TMOD1: variants seen among roughly 807,000 people sequenced by gnomAD.
TMOD1 encodes the protein tropomodulin-1.
In TMOD1, 17 loss-of-function variants were observed where a neutral mutation model predicts 40.6. The observed-to-expected ratio is 0.42, with a 90% confidence interval of 0.29 to 0.63. The LOEUF is 0.63. Ranked by LOEUF, TMOD1 falls within the 20% of genes least tolerant of loss-of-function variation. The probability of loss-of-function intolerance (pLI) is 0.22; values close to 1 mark genes in which losing one functional copy is unlikely to be tolerated. For missense variants in TMOD1, 391 were observed against 447.6 expected, an observed-to-expected ratio of 0.87 and a Z score of 1.14; for synonymous variants, 181 against 175.0, an observed-to-expected ratio of 1.03 and a Z score of -0.27.
intron 3 of TMOD1, among the ~76,000 whole-genome samples, chr9:97,547,890 G>A (rs915659812): frequency 3.3e-5 from 5 of 152,184 alleles, no homozygotes; most frequent in African/African-American, 7.2e-5. Context: ...CAGCCAGTGC[G>A]AGGCCTGCCA....
intron 8 of TMOD1, among the ~76,000 whole-genome samples, chr9:97,574,019 C>T (rs1229970115): frequency 6.6e-6 from 1 of 152,168 alleles, no homozygotes; most frequent in African/African-American, 2.4e-5. Context: ...AGGAGTTGAC[C>T]AGAAAGACCT....
chr9:97,583,980 G>GT (rs1055849635), intron 8 of TMOD1, among the ~76,000 whole-genome samples: 70 of 151,762 alleles, frequency 4.6e-4, no homozygotes, highest in Non-Finnish European at 6.9e-4. Flanking sequence ...TTTTTGAAGG[G>GT]TTTTTTTTGT....
At chr9:97,516,161 C>G (rs1253984570) in intron 1 of TMOD1, 1 of 152,260 alleles carries the variant, frequency 6.6e-6, no homozygotes, top group Non-Finnish European at 1.5e-5. Context: ...CACCCTCGCC[C>G]AGGGGTCTGT....
intron 8 of TMOD1, among the ~76,000 whole-genome samples, chr9:97,577,178 C>T (rs995658250): frequency 4.6e-5 from 7 of 152,206 alleles, no homozygotes; most frequent in African/African-American, 1.7e-4. Flanking sequence ...TGACCAACCC[C>T]TTGGTCTCTC....
intron 3 of TMOD1, among the ~76,000 whole-genome samples, chr9:97,550,366 T>G (rs1830430732): frequency 6.6e-6 from 1 of 152,270 alleles, no homozygotes; most frequent in South Asian, 2.1e-4. Flanking sequence ...TACCTGTTTT[T>G]AATTCTTTGG....
intron 8 of TMOD1, among the ~76,000 whole-genome samples, chr9:97,586,861 G>A (rs938426647): frequency 2.6e-5 from 4 of 152,154 alleles, no homozygotes; most frequent in East Asian, 1.9e-4. Flanking sequence ...GCCCTGCTTC[G>A]GCTCGCGCAC....
intron 2 of TMOD1, among the ~76,000 whole-genome samples, chr9:97,544,831 A>T (rs1007634280): frequency 2.6e-5 from 4 of 152,016 alleles, no homozygotes; most frequent in African/African-American, 9.7e-5. Flanking sequence ...AATATGGTGA[A>T]ACACTGTCTC....
At chr9:97,567,206 G>A (rs1830741731) in intron 7 of TMOD1, among the ~76,000 whole-genome samples, 1 of 152,230 alleles carries the variant, frequency 6.6e-6, no homozygotes, top group Admixed American at 6.5e-5. Context: ...CTTGCCCATA[G>A]GAACACAGCT....
chr9:97,577,745 G>T (rs1236881931), intron 8 of TMOD1, among the ~76,000 whole-genome samples: 2 of 152,040 alleles, frequency 1.3e-5, no homozygotes, highest in East Asian at 3.8e-4. Flanking sequence ...ACTCCAGTCT[G>T]GGCGACAGAA....
intron 8 of TMOD1, among the ~76,000 whole-genome samples, chr9:97,582,130 T>C (rs1341547193): frequency 1.3e-5 from 2 of 152,178 alleles, no homozygotes; most frequent in African/African-American, 4.8e-5. Context: ...TTTATGGTTT[T>C]AGGTCTAACG....
chr9:97,524,225 C>A lies in TMOD1; in HGVS notation c.37C>A (p.Leu13Met), dbSNP rs1250880806. Reference protein sequence around the residue: ...YRRELEKYRDLDEDEILGALT... With the variant: ...YRRELEKYRDMDEDEILGALT... ...ACGAGAACTAGAGAAATACCGTGAC[C>A]TGGATGAAGATGAAATCCTTGGAGC... The change falls in exon 2 of 10, where the codon CTG becomes ATG. Residue 13 changes from leucine to methionine, a missense_variant. Coordinates refer to ENST00000259365, the MANE Select transcript of TMOD1 (RefSeq NM_003275.4). 1.9e-6 allele frequency: 3 copies of A among 1,614,122 alleles called. No homozygotes were observed. The highest frequency in any genetic ancestry group is 3.3e-5 in the Admixed American group (2 of 60,018).
In TMOD1 at chr9:97,600,064, G is replaced by A. The variant is rs956163365; in HGVS notation, c.*366G>A. On this transcript the variant is annotated 3_prime_UTR_variant, in exon 10 of 10. Coordinates refer to ENST00000259365, the MANE Select transcript of TMOD1 (RefSeq NM_003275.4). ...CATTTAAAATGTGTGACACAGAAACGGCACACTCTTCCACATGCTTTTGAA... is the reference window on the plus strand; with the variant it reads ...CATTTAAAATGTGTGACACAGAAACAGCACACTCTTCCACATGCTTTTGAA... The A allele has an allele frequency of 4.8e-6, 5 of 1,050,568 alleles. No individual in the cohort carries two copies. Among genetic ancestry groups the A allele is most frequent in the African/African-American group, 1.6e-5 (1 of 60,904 alleles). 65.1% of individuals were successfully genotyped at this position (1,050,568 alleles called of 1,614,324 possible).
chr9:97,542,018 T>C (rs929034982), intron 2 of TMOD1, among the ~76,000 whole-genome samples: 7 of 152,252 alleles, frequency 4.6e-5, no homozygotes, highest in African/African-American at 1.7e-4. Context: ...TTTTGTTGCT[T>C]ATTGCTTTGA....
At position 97,599,725 on chromosome 9, in the gene TMOD1, G is replaced by A; in HGVS notation, c.*27G>A. On this transcript the variant is annotated 3_prime_UTR_variant, in exon 10 of 10. Coordinates refer to ENST00000259365, the MANE Select transcript of TMOD1 (RefSeq NM_003275.4). ...GTGTGGCGGTGGAGTCCATGCCTTT[G>A]AACTGGATGTGTTCTATTGATGACC... 1 of 1,614,016 alleles carries A rather than the reference G, an allele frequency of 6.2e-7. No individual in the cohort carries two copies.
rs57982813 is a variant in TMOD1, at chr9:97,511,085, GACAC to G, written c.-49+9306_-49+9309del. ...ACCCGCGCGCGCACACACACACACA[GACAC>G]ACACACACACACACACACACACAGG... On this transcript the variant is annotated intron_variant, in intron 1 of 9. Coordinates refer to ENST00000259365, the MANE Select transcript of TMOD1 (RefSeq NM_003275.4). 8.6e-3 allele frequency among the ~76,000 whole-genome samples: 1,244 copies of G among 144,400 alleles called. 39 individuals carry two copies. The East Asian group carries it at 0.11, about 12-fold the overall frequency. 94.7% of individuals were successfully genotyped at this position (144,400 alleles called of 152,430 possible).
At chr9:97,509,262 C>A (rs1829653786) in intron 1 of TMOD1, among the ~76,000 whole-genome samples, 1 of 152,168 alleles carries the variant, frequency 6.6e-6, no homozygotes, top group Non-Finnish European at 1.5e-5. Context: ...ATAAAAGTAT[C>A]TGCTTCACAA....
At position 97,601,165 on chromosome 9, in the gene TMOD1, C is replaced by T; in HGVS notation, c.*1467C>T. On this transcript the variant is annotated 3_prime_UTR_variant, in exon 10 of 10. Transcript: ENST00000259365. The stretch of plus-strand genomic sequence containing the variant: ...GGCACCATGTTGCAGGGACAACCAT[C>T]CCCATTTGGCTTCTCCTTAAAACAC... 1 of 1,301,110 alleles carries T rather than the reference C, an allele frequency of 7.7e-7. No individual in the cohort carries two copies. The highest frequency in any genetic ancestry group is 1.0e-6 in the Non-Finnish European group (1 of 987,758). The allele number at this position is 1,301,110 out of a possible 1,614,324, so 80.6% of individuals were successfully genotyped here. A position where few individuals can be genotyped will look rare whatever the true frequency, so the allele number is the denominator to read the frequency against.
chr9:97,582,303 T>G (rs1276377382), intron 8 of TMOD1, among the ~76,000 whole-genome samples: 1 of 144,018 alleles, frequency 6.9e-6, no homozygotes, highest in Non-Finnish European at 1.5e-5. Context: ...AAAGATCAGA[T>G]AGTTGTAGAT....
rs1826216084 is a variant in TMOD1 at position 97,599,956 on chromosome 9, C to T, written c.*258C>T. 1 of 1,251,800 alleles carries T rather than the reference C, an allele frequency of 8.0e-7. No individual in the cohort carries two copies. Among genetic ancestry groups the T allele is most frequent in the Non-Finnish European group, 1.0e-6 (1 of 988,498 alleles). The allele number at this position is 1,251,800 out of a possible 1,614,324, so 77.5% of individuals were successfully genotyped here. A position where few individuals can be genotyped will look rare whatever the true frequency, so the allele number is the denominator to read the frequency against. ...ACTAGAAGCCCCCAAACCAGCAGAT[C>T]TTACTGAAGATGATGTTCCAGCAGC... On this transcript the variant is annotated 3_prime_UTR_variant, in exon 10 of 10. Transcript: ENST00000259365.
Sources: gnomAD v4.1 joint callset for allele counts (sites outside exome capture counted in the v4.1 genomes callset) on GRCh38, gnomAD v4.1.1 for gene constraint, MANE v1.5 for transcripts, NCBI Gene and HGNC (gene_info 2026-07-23, HGNC 2026-07-21) for gene names.